The following PPFIA2 variants were observed in gnomAD, a reference collection of about 807,000 sequenced individuals.
The protein encoded by PPFIA2 is liprin-alpha-2.
A neutral mutation model predicts 175.5 loss-of-function variants in PPFIA2; 46 were observed. The ratio of observed to expected loss-of-function variants is 0.26; its 90% CI spans 0.21 to 0.34. The LOEUF (loss-of-function observed/expected upper bound fraction) is 0.34, where lower values mean the gene tolerates loss of function less well. Ranked by LOEUF, PPFIA2 falls within the 10% of genes least tolerant of loss-of-function variation. The pLI is 1.00. For synonymous variants in PPFIA2, 568 were observed against 511.4 expected (o/e 1.11, Z -1.49); for missense variants, 1,179 against 1,506.1 (o/e 0.78, Z 3.60).
intron 8 of PPFIA2, among the ~76,000 whole-genome samples, chr12:81,386,429 G>A (rs1321024793): frequency 6.6e-6 from 1 of 151,804 alleles, no homozygotes; most frequent in Non-Finnish European, 1.5e-5. Context: ...TTTGAGACCT[G>A]CCTGGGCAAC....
intron 7 of PPFIA2, among the ~76,000 whole-genome samples, chr12:81,418,713 A>T (rs980106041): frequency 1.3e-5 from 2 of 151,956 alleles, no homozygotes; most frequent in Non-Finnish European, 1.5e-5. Flanking sequence ...AAGGAAAAAA[A>T]AACTGTTCAA....
chr12:81,605,861 T>G (rs2153461185), intron 4 of PPFIA2, among the ~76,000 whole-genome samples: 1 of 152,044 alleles, frequency 6.6e-6, no homozygotes, highest in East Asian at 1.9e-4. Context: ...TTTTCTCAAC[T>G]TTTATTCAGA....
chr12:81,669,118 T>C (rs2070927776), intron 4 of PPFIA2, among the ~76,000 whole-genome samples: 1 of 152,014 alleles, frequency 6.6e-6, no homozygotes, highest in African/African-American at 2.4e-5. Flanking sequence ...TTTTCTCTAC[T>C]GTTATTTCTT....
At position 81,375,915 on chromosome 12, in the gene PPFIA2, C is replaced by G. The variant is rs746066782; in HGVS notation, c.1012G>C (p.Glu338Gln). The change falls in exon 10 of 33, where the codon GAA becomes CAA. Residue 338 changes from glutamate (E) to glutamine (Q), a missense_variant. Physicochemically the swap from Glu to Gln is conservative, Grantham distance 29 (BLOSUM62 2). Coordinates refer to ENST00000549396, the MANE Select transcript of PPFIA2 (RefSeq NM_003625.5). ...CGCTTTTCAAGGGTTGTAATTCTTT[C>G]TTCCATATCTTCCTTTTGTGCCATG... The part of the protein sequence containing the change: ...EAMAQKEDME[E>Q]RITTLEKRYL... 2 of 1,613,258 alleles carry G rather than the reference C, an allele frequency of 1.2e-6. No homozygotes were observed. The highest frequency in any genetic ancestry group is 1.7e-6 in the Non-Finnish European group (2 of 1,179,456).
At chr12:81,406,806 T>C (rs575425314) in intron 7 of PPFIA2, among the ~76,000 whole-genome samples, 4 of 152,264 alleles carry the variant, frequency 2.6e-5, no homozygotes, top group Admixed American at 2.6e-4. Flanking sequence ...AGGTACATAG[T>C]ATTTAGTGCA....
intron 3 of PPFIA2, chr12:81,687,409 A>AC (rs2074576303): frequency 6.6e-6 from 1 of 151,870 alleles, no homozygotes; most frequent in Non-Finnish European, 1.5e-5. Flanking sequence ...AGCCACCCCT[A>AC]CCTTGTGGGT....
chr12:81,559,804 G>GT (rs71098149), intron 4 of PPFIA2, among the ~76,000 whole-genome samples: 15,140 of 145,236 alleles, frequency 0.1, 968 homozygotes, highest in East Asian at 0.31. Flanking sequence ...ATGCTTAGTT[G>GT]TTTTTTTTTT....
At chr12:81,629,758 G>C (rs1451126168) in intron 4 of PPFIA2, among the ~76,000 whole-genome samples, 1 of 152,090 alleles carries the variant, frequency 6.6e-6, no homozygotes, top group African/African-American at 2.4e-5. Flanking sequence ...TAGGCCCTAG[G>C]TCACTGTTGC....
intron 4 of PPFIA2, among the ~76,000 whole-genome samples, chr12:81,668,560 G>A (rs1396853377): frequency 1.3e-5 from 2 of 151,976 alleles, no homozygotes; most frequent in East Asian, 1.9e-4. Context: ...CTTTCTATGA[G>A]TCATTGCTTT....
chr12:81,438,784 A>T (rs1389535127), intron 7 of PPFIA2, among the ~76,000 whole-genome samples: 1 of 152,156 alleles, frequency 6.6e-6, no homozygotes, highest in Non-Finnish European at 1.5e-5. Context: ...TATCCACCAC[A>T]TTAACTATTT....
At chr12:81,639,545 A>AG (rs936382838) in intron 4 of PPFIA2, among the ~76,000 whole-genome samples, 1 of 151,990 alleles carries the variant, frequency 6.6e-6, no homozygotes, top group Non-Finnish European at 1.5e-5. Flanking sequence ...CTCGGTAAAA[A>AG]AAATATATAT....
At chr12:81,564,207 T>C (rs966235803) in intron 4 of PPFIA2, among the ~76,000 whole-genome samples, 2 of 152,186 alleles carry the variant, frequency 1.3e-5, no homozygotes, top group Non-Finnish European at 2.9e-5. Context: ...ATTCATGACA[T>C]TGATCATTCA....
intron 7 of PPFIA2, among the ~76,000 whole-genome samples, chr12:81,425,569 T>A (rs1174394562): frequency 6.6e-6 from 1 of 152,194 alleles, no homozygotes; most frequent in Non-Finnish European, 1.5e-5. Flanking sequence ...GGTTTCACCA[T>A]GTTAGCCAGG....
chr12:81,507,740 G>A (rs962370416), intron 4 of PPFIA2, among the ~76,000 whole-genome samples: 1 of 152,166 alleles, frequency 6.6e-6, no homozygotes, highest in African/African-American at 2.4e-5. Context: ...TAGGCATACT[G>A]CTAGAGGAGT....
chr12:81,525,972 A>T (rs2063687131), intron 4 of PPFIA2, among the ~76,000 whole-genome samples: 1 of 148,798 alleles, frequency 6.7e-6, no homozygotes, highest in Non-Finnish European at 1.5e-5. Context: ...GTCATTGGTT[A>T]AAAAAAAATA....
intron 3 of PPFIA2, among the ~76,000 whole-genome samples, chr12:81,695,556 T>C (rs1265572689): frequency 6.6e-6 from 1 of 152,150 alleles, no homozygotes; most frequent in Non-Finnish European, 1.5e-5. Flanking sequence ...TACAAAACTG[T>C]GAGCCAATTA....
At chr12:81,749,999 A>C (rs1358997441) in intron 3 of PPFIA2, among the ~76,000 whole-genome samples, 1 of 144,018 alleles carries the variant, frequency 6.9e-6, no homozygotes, top group Non-Finnish European at 1.6e-5. Flanking sequence ...CCTTTTCTCA[A>C]GGAGCTTATA....
chr12:81,364,808 A>C (rs527347096), intron 14 of PPFIA2, among the ~76,000 whole-genome samples: 1 of 151,938 alleles, frequency 6.6e-6, no homozygotes, highest in Non-Finnish European at 1.5e-5. Context: ...TAGATGTGGG[A>C]TATGAAACAA....
At chr12:81,433,667 T>C (rs2048487686) in intron 7 of PPFIA2, among the ~76,000 whole-genome samples, 1 of 152,148 alleles carries the variant, frequency 6.6e-6, no homozygotes, top group African/African-American at 2.4e-5. Flanking sequence ...AAATGGTTCA[T>C]TAAGAGAATA....
Sources: gnomAD v4.1 joint callset for allele counts (sites outside exome capture counted in the v4.1 genomes callset) on GRCh38, gnomAD v4.1.1 for gene constraint, MANE v1.5 for transcripts, NCBI Gene and HGNC (gene_info 2026-07-23, HGNC 2026-07-21) for gene names.